NOP14: variants seen among roughly 807,000 people sequenced by gnomAD.
The protein encoded by NOP14 is nucleolar protein 14.
A neutral mutation model predicts 101.6 loss-of-function variants in NOP14; 57 were observed. The ratio of observed to expected loss-of-function variants is 0.56; its 90% CI spans 0.45 to 0.70. The LOEUF (loss-of-function observed/expected upper bound fraction) is 0.70. Ranked by LOEUF, NOP14 falls within the 30% of genes least tolerant of loss-of-function variation. The pLI is 0.00. For missense variants in NOP14, 1,134 were observed against 1,075.5 expected (o/e 1.05, Z -0.76); for synonymous variants, 428 against 424.0 (o/e 1.01, Z -0.12).
Position 2,952,543 on chromosome 4 carries a change from T to C in NOP14, c.748-146A>G, listed in dbSNP as rs1715099640. The C allele has an allele frequency of 1.6e-5, 11 of 708,350 alleles. No individual in the cohort carries two copies. The East Asian group carries it at 3.2e-4, about 21-fold the overall frequency. 43.9% of individuals were successfully genotyped at this position (708,350 alleles called of 1,614,324 possible). ...TAAGCCACATCTACGTCTTTTCTTCTAGAGAGAAAACTGTTCTGATAAGCC... is the reference window on the plus strand; with the variant it reads ...TAAGCCACATCTACGTCTTTTCTTCCAGAGAGAAAACTGTTCTGATAAGCC... On this transcript the variant is annotated intron_variant, in intron 5 of 17. Coordinates refer to ENST00000416614, the MANE Select transcript of NOP14 (RefSeq NM_001291978.2).
At chr4:2,947,411 G>T in intron 10 of NOP14, 115 bp downstream of exon 10, 1 of 771,926 alleles carries the variant, frequency 1.3e-6, no homozygotes, top group Non-Finnish European at 2.1e-6. Flanking sequence ...TTGGCATGCT[G>T]ACACCATCAT....
intron 1 of NOP14, among the ~76,000 whole-genome samples, chr4:2,958,388 G>C (rs780891255): frequency 6.6e-6 from 1 of 152,224 alleles, no homozygotes; most frequent in African/African-American, 2.4e-5. Context: ...AGAGGACAGA[G>C]ATGGGTGAGG....
Position 2,957,714 on chromosome 4 carries a change from G to T in NOP14, c.222C>A (p.Tyr74Ter). 6.2e-7 allele frequency: 1 copy of T among 1,613,888 alleles called. No homozygotes were observed. The highest frequency in any genetic ancestry group is 8.5e-7 in the Non-Finnish European group (1 of 1,179,950). ...ATACATTGGATTTATCCCTTTCTTTGTACTCTTTTAGTAAAGTCTGTGTAC... is the reference window on the plus strand; with the variant it reads ...ATACATTGGATTTATCCCTTTCTTTTTACTCTTTTAGTAAAGTCTGTGTAC... ...RKRTQTLLKE[Y>*]KERDKSNVFR... The change falls in exon 2 of 18, where the codon TAC becomes TAA. Residue 74 changes from tyrosine (Y) to a stop codon, truncating the protein, a stop_gained. Coordinates refer to ENST00000416614, the MANE Select transcript of NOP14 (RefSeq NM_001291978.2). LOFTEE classifies it high-confidence loss of function.
intron 15 of NOP14, 107 bp from the exon 16 acceptor site, chr4:2,939,752 G>A (rs970282473): frequency 2.7e-5 from 23 of 847,504 alleles, no homozygotes; most frequent in Non-Finnish European, 4.0e-5. Flanking sequence ...AGTGCTGCGA[G>A]CTCCCTGCAG....
chr4:2,939,281 T>C lies in NOP14; in HGVS notation c.2381A>G (p.His794Arg), dbSNP rs779822096. 1.2e-6 allele frequency: 2 copies of C among 1,614,048 alleles called. No homozygotes were observed. Among genetic ancestry groups the C allele is most frequent in the Non-Finnish European group, 8.5e-7 (1 of 1,180,040 alleles). ...KEEQERKRLIHKHKREFKGAV... is the reference protein window; with the variant it reads ...KEEQERKRLIRKHKREFKGAV... ...CCCTTTAAATTCACGCTTGTGTTTG[T>C]GGATCAGCCTCTTCCTTTCCTGTTC... The change falls in exon 17 of 18, where the codon CAC (histidine) becomes CGC (arginine). Residue 794 changes from histidine to arginine, a missense_variant. Coordinates refer to ENST00000416614, the MANE Select transcript of NOP14 (RefSeq NM_001291978.2).
intron 1 of NOP14, among the ~76,000 whole-genome samples, chr4:2,962,872 C>G (rs1208761454): frequency 6.6e-6 from 1 of 152,194 alleles, no homozygotes; most frequent in African/African-American, 2.4e-5. Flanking sequence ...CCCGAAGTGA[C>G]TGACTCGGCC....
In NOP14 at chr4:2,956,701, G is replaced by A. The variant is rs1400266333; in HGVS notation, c.441C>T (p.Asp147=). The change falls in exon 3 of 18, where the codon GAC becomes GAT. Residue 147 remains aspartate, a synonymous_variant. Coordinates refer to ENST00000416614, the MANE Select transcript of NOP14 (RefSeq NM_001291978.2). ...ACGTTCCTCGATCCTCAGCATCGCT[G>A]TCACTGTCCACAATGTCATTATGCT... The part of the protein sequence containing the change: ...IEKHNDIVDS[D]SDAEDRGTLS... The A allele has an allele frequency of 6.2e-7, 1 of 1,613,014 alleles. No homozygotes were observed. The highest frequency in any genetic ancestry group is 1.3e-5 in the African/African-American group (1 of 74,850).
Position 2,950,117 on chromosome 4 carries a change from C to G in NOP14, c.1099G>C (p.Gly367Arg), listed in dbSNP as rs145122268. 1.3e-4 allele frequency: 205 copies of G among 1,614,074 alleles called. No individual in the cohort carries two copies. The highest frequency in any genetic ancestry group is 1.6e-4 in the Non-Finnish European group (183 of 1,180,036). Residue 367 changes from glycine to arginine, a missense_variant, in exon 8 of 18, where the codon GGG becomes CGG. Gly to Arg is a moderately radical substitution (Grantham distance 125). Coordinates refer to ENST00000416614, the MANE Select transcript of NOP14 (RefSeq NM_001291978.2). ...SNEEEGDSSG[G>R]EDTEESDSPD... The stretch of plus-strand genomic sequence containing the variant: ...CTGTCGCTCTCCTCTGTGTCCTCCC[C>G]GCCTGAACTGTCACCTTCTTCCTCG...
chr4:2,944,191 G>A lies in NOP14; in HGVS notation c.1773C>T (p.Gly591=), dbSNP rs374406734. 3.0e-5 allele frequency: 48 copies of A among 1,614,026 alleles called. No homozygotes were observed. The highest frequency in any genetic ancestry group is 3.7e-5 in the Non-Finnish European group (44 of 1,179,954). ...CCAGGAACAGGCAGCACACGAACAGGCCCTTCACCACGTCCTGGAGGGACA... is the reference window on the plus strand; with the variant it reads ...CCAGGAACAGGCAGCACACGAACAGACCCTTCACCACGTCCTGGAGGGACA... ...PILSLQDVVK[G]LFVCCLFLEY... is the part of the protein sequence containing the mutation. Residue 591 remains glycine, a synonymous_variant, in exon 13 of 18, where the codon GGC becomes GGT. Coordinates refer to ENST00000416614, the MANE Select transcript of NOP14 (RefSeq NM_001291978.2).
At chr4:2,960,702 T>TATTAATATATTAATATTATAATTAC (rs1560310442) in intron 1 of NOP14, among the ~76,000 whole-genome samples, 1 of 135,812 alleles carries the variant, frequency 7.4e-6, no homozygotes, top group African/African-American at 2.9e-5. Flanking sequence ...ATCACATTAA[T>TATTAATATATTAATATTATAATTAC]ATTAATATAT....
chr4:2,960,972 TTATATTAATATTA>T (rs1715786064), intron 1 of NOP14, among the ~76,000 whole-genome samples: 2 of 56,848 alleles, frequency 3.5e-5, no homozygotes, highest in Non-Finnish European at 6.1e-5. Flanking sequence ...TATATCAATA[TTATATTAATATTA>T]TATCGATATT....
rs1378873391 is a variant in NOP14, at chr4:2,937,966, TAAC to T, written c.*862_*864del. The T allele has an allele frequency of 2.5e-5, 5 of 202,226 alleles. No individual in the cohort carries two copies. The highest frequency in any genetic ancestry group is 1.8e-4 in the East Asian group (1 of 5,684). The allele number at this position is 202,226 out of a possible 1,614,324, so 12.5% of individuals were successfully genotyped here. A position where few individuals can be genotyped will look rare whatever the true frequency, so the allele number is the denominator to read the frequency against. On this transcript the variant is annotated 3_prime_UTR_variant, in exon 18 of 18. Transcript: ENST00000416614. ...TTTATAATTGAAAATATAATTTGCA[TAAC>T]AACAGTAAATTCTACACATGAAGGC...
chr4:2,948,137 C>G (rs889921121), intron 9 of NOP14, 141 bp downstream of exon 9: 2 of 1,114,064 alleles, frequency 1.8e-6, no homozygotes, highest in African/African-American at 3.2e-5. Context: ...TCCCAGCCAT[C>G]ATCATAGGTA....
chr4:2,949,765 C>T (rs563692070), intron 8 of NOP14, among the ~76,000 whole-genome samples, 169 bp downstream of exon 8: 6 of 152,302 alleles, frequency 3.9e-5, no homozygotes, highest in African/African-American at 1.4e-4. Context: ...GATGACCACT[C>T]ACTCTAAGAC....
At chr4:2,940,034 G>A (rs896000034) in intron 15 of NOP14, among the ~76,000 whole-genome samples, 15 of 152,334 alleles carry the variant, frequency 9.8e-5, no homozygotes, top group East Asian at 1.9e-4. Flanking sequence ...CACTTGCTTC[G>A]TGAGAAGGCT....
chr4:2,941,492 G>C, intron 15 of NOP14, 90 bp downstream of exon 15: 1 of 1,204,520 alleles, frequency 8.3e-7, no homozygotes, highest in South Asian at 1.5e-5. Context: ...TACAGCTGCA[G>C]CATCAAATGA....
rs1715449650 is a variant in NOP14, at chr4:2,957,750, AG to A, written c.196-11del. On this transcript the variant is annotated splice_polypyrimidine_tract_variant and intron_variant, in intron 1 of 17. Coordinates refer to ENST00000416614, the MANE Select transcript of NOP14 (RefSeq NM_001291978.2). ...GTAAAGTCTGTGTACGCTGGAAAAC[AG>A]GTCAGAAACAATCTCACAAAAAATT... The A allele has an allele frequency of 6.2e-7, 1 of 1,612,728 alleles. No homozygotes were observed. Among genetic ancestry groups the A allele is most frequent in the East Asian group, 2.2e-5 (1 of 44,864 alleles).
intron 15 of NOP14, 95 bp downstream of exon 15, chr4:2,941,487 C>T: frequency 8.6e-7 from 1 of 1,157,530 alleles, no homozygotes; most frequent in Non-Finnish European, 1.2e-6. Flanking sequence ...TGACTTACAG[C>T]TGCAGCATCA....
At chr4:2,939,062 C>T in intron 17 of NOP14, 126 bp downstream of exon 17, 1 of 1,511,930 alleles carries the variant, frequency 6.6e-7, no homozygotes, top group Non-Finnish European at 9.1e-7. Context: ...AGTGAACCTG[C>T]CTGGCTCCAA....
Sources: gnomAD v4.1 joint callset for allele counts (sites outside exome capture counted in the v4.1 genomes callset) on GRCh38, gnomAD v4.1.1 for gene constraint, MANE v1.5 for transcripts, NCBI Gene and HGNC (gene_info 2026-07-23, HGNC 2026-07-21) for gene names.